The following PLSCR5 variants were observed in gnomAD, a reference collection of about 807,000 sequenced individuals.
PLSCR5 encodes the protein phospholipid scramblase family member 5, also known as phospholipid scramblase family, member 5.
PLSCR5 carries 44 observed loss-of-function variants against 33.6 expected under a neutral mutation model. The observed-to-expected ratio is 1.31, with a 90% CI of 1.03 to 1.69. The LOEUF is 1.69. Ranked by LOEUF, PLSCR5 falls within the 40% of genes most tolerant of loss-of-function variation. PLSCR5 has a pLI of 0.00. For synonymous variants in PLSCR5, 148 were observed against 112.3 expected (o/e 1.32, Z -2.01); for missense variants, 375 against 318.7 (o/e 1.18, Z -1.34).
chr3:146,587,290 T>C (rs2044673932), intron 6 of PLSCR5, among the ~76,000 whole-genome samples: 1 of 152,144 alleles, frequency 6.6e-6, no homozygotes, highest in South Asian at 2.1e-4. Context: ...TCTCAAAGCA[T>C]ATGGACTAAG....
chr3:146,584,410 A>C (rs17354202), downstream of PLSCR5, among the ~76,000 whole-genome samples: 39,865 of 152,064 alleles, frequency 0.26, 5,245 homozygotes, highest in African/African-American at 0.28. Flanking sequence ...CTATTGCATA[A>C]AAGGTTTTTG....
chr3:146,581,458 G>A (rs1048976265), downstream of PLSCR5, among the ~76,000 whole-genome samples: 13 of 152,192 alleles, frequency 8.5e-5, no homozygotes, highest in African/African-American at 2.9e-4. Context: ...TGACATTGAT[G>A]CCTAGTGCAG....
chr3:146,595,150 A>G, intron 2 of PLSCR5, 67 bp from the exon 3 acceptor site: 1 of 901,222 alleles, frequency 1.1e-6, no homozygotes, highest in Non-Finnish European at 1.6e-6. Context: ...TGGAGATACT[A>G]CTAGTACCCT....
At chr3:146,586,562 A>C (rs190801129) in intron 6 of PLSCR5, among the ~76,000 whole-genome samples, 8 of 152,300 alleles carry the variant, frequency 5.3e-5, no homozygotes, top group Non-Finnish European at 7.3e-5. Flanking sequence ...GTTATAATGG[A>C]TACGAATATT....
intron 3 of PLSCR5, among the ~76,000 whole-genome samples, chr3:146,594,762 A>T (rs2044744096): frequency 6.6e-6 from 1 of 152,158 alleles, no homozygotes; most frequent in South Asian, 2.1e-4. Context: ...CACGGAAATG[A>T]TCAAATACCT....
chr3:146,583,443 G>T (rs1056419513), downstream of PLSCR5, among the ~76,000 whole-genome samples: 1 of 152,152 alleles, frequency 6.6e-6, no homozygotes, highest in Non-Finnish European at 1.5e-5. Flanking sequence ...GGGACAAGAG[G>T]CAGTAGTGCA....
rs148673579 is a variant in PLSCR5, at chr3:146,586,639, C to A, written c.778-527G>T. Among the ~76,000 whole-genome samples, 6 of 152,134 alleles carry A rather than the reference C, an allele frequency of 3.9e-5. No individual in the cohort carries two copies. In the East Asian group the frequency reaches 9.7e-4, roughly 25 times the overall value. ...CAATAGGTGGTTATTTGAGGGAGTA[C>A]TGAAAACTACACCAGAGAGAACTCA... On this transcript the variant is annotated intron_variant, in intron 6 of 7. Coordinates refer to ENST00000443512, the MANE Select transcript of PLSCR5 (RefSeq NM_001085420.2).
At chr3:146,598,760 C>A (rs1204503023) in intron 2 of PLSCR5, among the ~76,000 whole-genome samples, 1 of 152,204 alleles carries the variant, frequency 6.6e-6, no homozygotes, top group East Asian at 1.9e-4. Flanking sequence ...CTCTAGTCAG[C>A]TATTACAGCT....
At chr3:146,602,597 T>C (rs1184744992) in intron 1 of PLSCR5, among the ~76,000 whole-genome samples, 1 of 152,114 alleles carries the variant, frequency 6.6e-6, no homozygotes, top group African/African-American at 2.4e-5. Flanking sequence ...CTCTATGTAC[T>C]TCACTGCACA....
chr3:146,590,322 ATAT>A (rs926462864), intron 5 of PLSCR5: 22 of 152,202 alleles, frequency 1.4e-4, no homozygotes, highest in African/African-American at 4.6e-4. Flanking sequence ...AAACATTTAA[ATAT>A]TATTGGCCAT....
chr3:146,596,361 G>A (rs1032822208), intron 2 of PLSCR5, among the ~76,000 whole-genome samples: 13 of 151,968 alleles, frequency 8.6e-5, no homozygotes, highest in South Asian at 4.1e-4. Context: ...GCTAATTTTC[G>A]TATTTTTAGT....
At chr3:146,586,378 T>A (rs1407369922) in intron 6 of PLSCR5, among the ~76,000 whole-genome samples, 1 of 152,166 alleles carries the variant, frequency 6.6e-6, no homozygotes, top group Non-Finnish European at 1.5e-5. Context: ...ATATGATTTA[T>A]CTGGAGAAGA....
intron 1 of PLSCR5, among the ~76,000 whole-genome samples, chr3:146,601,532 T>C (rs557534954): frequency 3.3e-5 from 5 of 152,266 alleles, no homozygotes; most frequent in African/African-American, 1.2e-4. Context: ...GAAGGGCCGT[T>C]ATGAAGACAA....
In PLSCR5 at chr3:146,594,091, C is replaced by T; in HGVS notation, c.282G>A (p.Leu94=). ...CCACTGCAAAGTAAATTCTTTGTCC[C>T]AAGCTGTTTTTAATCTCATATTTGT... is the stretch of plus-strand genomic sequence containing the variant. The part of the protein sequence containing the change: ...TSNKYEIKNS[L]GQRIYFAVEE... Residue 94 remains leucine, a synonymous_variant, in exon 4 of 8, where the codon TTG becomes TTA. Coordinates refer to ENST00000443512, the MANE Select transcript of PLSCR5 (RefSeq NM_001085420.2). 6.2e-7 allele frequency: 1 copy of T among 1,613,674 alleles called. No individual in the cohort carries two copies.
chr3:146,604,929 T>A (rs1467122796), intron 1 of PLSCR5, among the ~76,000 whole-genome samples: 1 of 152,186 alleles, frequency 6.6e-6, no homozygotes, highest in African/African-American at 2.4e-5. Context: ...TTCTAAACTT[T>A]GCTATGCAGC....
chr3:146,591,517 A>T (rs1019248250), intron 5 of PLSCR5, among the ~76,000 whole-genome samples: 4 of 152,008 alleles, frequency 2.6e-5, no homozygotes, highest in Non-Finnish European at 4.4e-5. Flanking sequence ...TATTATTTTT[A>T]AAAAATCCTT....
At chr3:146,582,390 AG>A (rs1019347089), downstream of PLSCR5, among the ~76,000 whole-genome samples, 1 of 152,236 alleles carries the variant, frequency 6.6e-6, no homozygotes, top group African/African-American at 2.4e-5. Flanking sequence ...ACTCAAGGTA[AG>A]GGCCTGCATG....
Position 146,589,742 on chromosome 3 carries a change from A to G in PLSCR5, c.688T>C (p.Phe230Leu). ...ATTCCGAAATTGTCAGCATTTGTGA[A>G]GACATCATTTACAAATCCTGACCAG... ...KYWSGFVNDVFTNADNFGIHV... is the reference protein window; with the variant it reads ...KYWSGFVNDVLTNADNFGIHV... Residue 230 changes from phenylalanine (F) to leucine (L), a missense_variant, in exon 6 of 8, where the codon TTC (phenylalanine) becomes CTC (leucine). By Grantham distance (22) the Phe-to-Leu change is conservative (BLOSUM62 0). Transcript: ENST00000443512. 1 of 1,597,536 alleles carries G rather than the reference A, an allele frequency of 6.3e-7. No individual in the cohort carries two copies. Among genetic ancestry groups the G allele is most frequent in the Non-Finnish European group, 8.6e-7 (1 of 1,166,828 alleles).
intron 2 of PLSCR5, among the ~76,000 whole-genome samples, chr3:146,595,494 A>G (rs895538100): frequency 2.0e-5 from 3 of 152,130 alleles, no homozygotes; most frequent in Non-Finnish European, 2.9e-5. Flanking sequence ...CTCTAGTCCC[A>G]GCTACACAGG....
Sources: gnomAD v4.1 joint callset for allele counts (sites outside exome capture counted in the v4.1 genomes callset) on GRCh38, gnomAD v4.1.1 for gene constraint, MANE v1.5 for transcripts, NCBI Gene and HGNC (gene_info 2026-07-23, HGNC 2026-07-21) for gene names.